DDAH1: variants seen among roughly 807,000 people sequenced by gnomAD.
DDAH1 encodes dimethylarginine dimethylaminohydrolase 1, also known as N(G),N(G)-dimethylarginine dimethylaminohydrolase 1.
A neutral mutation model predicts 28.8 loss-of-function variants in DDAH1; 19 were observed. The ratio of observed to expected loss-of-function variants is 0.66; its 90% confidence interval spans 0.46 to 0.97. The LOEUF (loss-of-function observed/expected upper bound fraction) is 0.97. Ranked by LOEUF, DDAH1 falls within the 50% of genes least tolerant of loss-of-function variation. DDAH1 has a pLI of 0.00. For missense variants in DDAH1, 326 were observed against 375.9 expected, an observed-to-expected ratio of 0.87 and a Z score of 1.10; for synonymous variants, 153 against 154.4, an observed-to-expected ratio of 0.99 and a Z score of 0.07.
At chr1:85,371,768 T>C (rs1390537273) in intron 1 of DDAH1, among the ~76,000 whole-genome samples, 1 of 152,198 alleles carries the variant, frequency 6.6e-6, no homozygotes, top group East Asian at 1.9e-4. Flanking sequence ...TTCAAGTAGG[T>C]CCCCTAAATA....
chr1:85,552,634 T>C (rs1349266326), intron 1 of DDAH1, among the ~76,000 whole-genome samples: 1 of 152,184 alleles, frequency 6.6e-6, no homozygotes, highest in Non-Finnish European at 1.5e-5. Context: ...GTCTTTTAGA[T>C]GATCTGTGGG....
At chr1:85,455,172 T>C (rs1239042690) in intron 1 of DDAH1, among the ~76,000 whole-genome samples, 1 of 152,210 alleles carries the variant, frequency 6.6e-6, no homozygotes, top group Non-Finnish European at 1.5e-5. Context: ...ACATCATAAA[T>C]GGCCTAAAAT....
chr1:85,571,787 CTTTTTTT>C (rs58835610), intron 1 of DDAH1, among the ~76,000 whole-genome samples: 13 of 85,384 alleles, frequency 1.5e-4, no homozygotes, highest in African/African-American at 9.5e-5. Flanking sequence ...TGTTTATAAG[CTTTTTTT>C]TTTTTTTTTT....
chr1:85,560,818 G>A (rs1452816157), intron 1 of DDAH1, among the ~76,000 whole-genome samples: 1 of 152,000 alleles, frequency 6.6e-6, no homozygotes, highest in Non-Finnish European at 1.5e-5. Flanking sequence ...GTTATCTAAT[G>A]AGAATCTTTA....
chr1:85,455,505 T>C (rs182576118), intron 1 of DDAH1, among the ~76,000 whole-genome samples: 2 of 152,328 alleles, frequency 1.3e-5, no homozygotes, highest in East Asian at 3.9e-4. Context: ...AGTTAAATAT[T>C]AGAAAACTAA....
rs143885314 is a variant in DDAH1, at chr1:85,470,910, A to C, written c.-7+25256T>G. ...AATACATAAAAGCAGTGGATAAGGC[A>C]TGGGTTTTAGATTCAGACAAGCCTG... On this transcript the variant is annotated intron_variant, in intron 2 of 6. Transcript: ENST00000426972. 2.2e-3 allele frequency among the ~76,000 whole-genome samples: 329 copies of C among 152,320 alleles called. 1 individual carries two copies. Among genetic ancestry groups the C allele is most frequent in the African/African-American group, 7.6e-3 (318 of 41,576 alleles).
intron 4 of DDAH1, among the ~76,000 whole-genome samples, chr1:85,349,991 A>G (rs1252424673): frequency 6.6e-6 from 1 of 152,220 alleles, no homozygotes; most frequent in African/African-American, 2.4e-5. Flanking sequence ...TGGCTTTCTA[A>G]AAGATTATTA....
intron 1 of DDAH1, chr1:85,404,316 T>C (rs1161120173): frequency 1.4e-6 from 2 of 1,477,240 alleles, no homozygotes; most frequent in East Asian, 2.5e-5. Context: ...GCCTGTAGGA[T>C]TGCAGTTGAC....
At chr1:85,495,933 G>C (rs888451159) in intron 2 of DDAH1, 1 of 152,334 alleles carries the variant, frequency 6.6e-6, no homozygotes, top group South Asian at 2.1e-4. Context: ...AACAAGATCA[G>C]CCTTGGCTGG....
intron 1 of DDAH1, among the ~76,000 whole-genome samples, chr1:85,378,492 T>C (rs773728305): frequency 7.9e-5 from 12 of 152,188 alleles, no homozygotes; most frequent in Non-Finnish European, 1.6e-4. Flanking sequence ...CACTGCAGCC[T>C]TGACCTCTGG....
chr1:85,413,460 T>C (rs1170979729), intron 1 of DDAH1, among the ~76,000 whole-genome samples: 1 of 152,236 alleles, frequency 6.6e-6, no homozygotes, highest in Non-Finnish European at 1.5e-5. Context: ...TCAAGTATTT[T>C]GTGGAAGTCC....
At chr1:85,422,435 A>G (rs1653189580) in intron 1 of DDAH1, among the ~76,000 whole-genome samples, 2 of 152,076 alleles carry the variant, frequency 1.3e-5, no homozygotes, top group African/African-American at 4.8e-5. Flanking sequence ...TTTTTCTGTC[A>G]TAAATCATAC....
rs558789537 is a variant in DDAH1 at position 85,526,992 on chromosome 1, G to A, written c.-122-30711C>T. Among the ~76,000 whole-genome samples, 8 of 152,284 alleles carry A rather than the reference G, an allele frequency of 5.3e-5. No individual in the cohort carries two copies. The South Asian group carries it at 1.7e-3, about 32-fold the overall frequency. On this transcript the variant is annotated intron_variant, in intron 1 of 6. Coordinates refer to the DDAH1 transcript ENST00000426972. ...AAAGGCAGCTAATAAGTGTTCCAGG[G>A]TAGAACTTCTATTTCTTGAATTCAT...
chr1:85,562,491 G>C (rs1205185797), intron 1 of DDAH1, among the ~76,000 whole-genome samples: 1 of 152,192 alleles, frequency 6.6e-6, no homozygotes, highest in Non-Finnish European at 1.5e-5. Context: ...GCCTTGTTTG[G>C]AAATAGGCTG....
At position 85,352,759 on chromosome 1, in the gene DDAH1, G is replaced by A. The variant is rs11802673; in HGVS notation, c.404-1180C>T. 4.9e-3 allele frequency among the ~76,000 whole-genome samples: 739 copies of A among 152,242 alleles called. 2 individuals are homozygous for A. The highest frequency in any genetic ancestry group is 0.017 in the African/African-American group (709 of 41,546). On this transcript the variant is annotated intron_variant, in intron 2 of 5. Coordinates refer to ENST00000284031, the MANE Select transcript of DDAH1 (RefSeq NM_012137.4). ...TTTTGTGACTAGAAATATGCCAGAGGAACTTAACTCTTGTTTATATTAGCC... is the reference window on the plus strand; with the variant it reads ...TTTTGTGACTAGAAATATGCCAGAGAAACTTAACTCTTGTTTATATTAGCC...
chr1:85,358,415 C>T (rs552590834), intron 2 of DDAH1, among the ~76,000 whole-genome samples: 6 of 151,968 alleles, frequency 3.9e-5, no homozygotes, highest in South Asian at 4.2e-4. Context: ...TTTGGGAGGC[C>T]GAGGTGTGCA....
chr1:85,371,060 A>G lies in DDAH1; in HGVS notation c.304-12213T>C, dbSNP rs942961226. The stretch of plus-strand genomic sequence containing the variant: ...ATATTAACAATACTATTCTAACAAA[A>G]AGACTCCAGGAGACATTGCTCATTC... On this transcript the variant is annotated intron_variant, in intron 1 of 5. Transcript: ENST00000284031. Among the ~76,000 whole-genome samples, 4 of 152,186 alleles carry G rather than the reference A, an allele frequency of 2.6e-5. No individual in the cohort carries two copies. In the East Asian group the frequency reaches 7.7e-4, roughly 29 times the overall value.
At chr1:85,509,497 T>C (rs1657148387) in intron 1 of DDAH1, among the ~76,000 whole-genome samples, 1 of 152,194 alleles carries the variant, frequency 6.6e-6, no homozygotes, top group Non-Finnish European at 1.5e-5. Flanking sequence ...TTTGATGAGT[T>C]GACAGAAGTA....
chr1:85,540,238 T>G (rs1053195469), intron 1 of DDAH1, among the ~76,000 whole-genome samples: 1 of 152,190 alleles, frequency 6.6e-6, no homozygotes, highest in Non-Finnish European at 1.5e-5. Flanking sequence ...TCCTTTGACC[T>G]GGGGTTACAC....
Sources: gnomAD v4.1 joint callset for allele counts (sites outside exome capture counted in the v4.1 genomes callset) on GRCh38, gnomAD v4.1.1 for gene constraint, MANE v1.5 for transcripts, NCBI Gene and HGNC (gene_info 2026-07-23, HGNC 2026-07-21) for gene names.